Variants in SLC22A3 observed in about 807,000 individuals in gnomAD.
SLC22A3 encodes EMT organic cation transporter 3.
A neutral mutation model predicts 59.1 loss-of-function variants in SLC22A3; 51 were observed. The ratio of observed to expected loss-of-function variants is 0.86; its 90% confidence interval spans 0.69 to 1.09. The LOEUF is 1.09. SLC22A3 is among the 50% of genes least tolerant of loss of function. The pLI is 0.00. For missense variants in SLC22A3, 711 were observed against 726.3 expected, an observed-to-expected ratio of 0.98 and a Z score of 0.24; for synonymous variants, 325 against 292.0, an observed-to-expected ratio of 1.11 and a Z score of -1.15.
intron 1 of SLC22A3, among the ~76,000 whole-genome samples, chr6:160,369,076 T>G (rs1004399351): frequency 1.5e-4 from 23 of 152,330 alleles, no homozygotes; most frequent in African/African-American, 5.3e-4. Context: ...TGTATTTCAT[T>G]GTCTCCAATG....
At chr6:160,387,395 A>G (rs895082406) in intron 1 of SLC22A3, among the ~76,000 whole-genome samples, 1 of 152,192 alleles carries the variant, frequency 6.6e-6, no homozygotes, top group Non-Finnish European at 1.5e-5. Context: ...TTCTGGCTTT[A>G]CAGTTATCAC....
chr6:160,349,129 C>A, intron 1 of SLC22A3: 1 of 933,804 alleles, frequency 1.1e-6, no homozygotes, highest in Non-Finnish European at 1.3e-6. Flanking sequence ...GTTGTAAACG[C>A]CTGGCGCACG....
At chr6:160,405,537 A>G (rs1205682908) in intron 2 of SLC22A3, among the ~76,000 whole-genome samples, 1 of 152,204 alleles carries the variant, frequency 6.6e-6, no homozygotes. Context: ...ACATACTTTT[A>G]CTAAATGATC....
At chr6:160,364,131 A>AATAC (rs1785121420) in intron 1 of SLC22A3, among the ~76,000 whole-genome samples, 1 of 152,196 alleles carries the variant, frequency 6.6e-6, no homozygotes, top group Non-Finnish European at 1.5e-5. Context: ...TACTACAGGG[A>AATAC]TGAGGAAACA....
rs973225442 is a variant in SLC22A3, at chr6:160,410,608, C to T, written c.858-121C>T. The T allele has an allele frequency of 1.2e-5, 9 of 736,302 alleles. No individual in the cohort carries two copies. In the African/African-American group the frequency reaches 1.6e-4, roughly 13 times the overall value. The allele number at this position is 736,302 out of a possible 1,614,324, so 45.6% of individuals were successfully genotyped here. A position where few individuals can be genotyped will look rare whatever the true frequency, so the allele number is the denominator to read the frequency against. On this transcript the variant is annotated intron_variant, in intron 4 of 10. Coordinates refer to ENST00000275300, the MANE Select transcript of SLC22A3 (RefSeq NM_021977.4). ...GTATTTCAGGGACCTATTATCAACT[C>T]TTATTGACTCCTAAATGTATATCTA...
At chr6:160,410,616 C>T (rs1787207471) in intron 4 of SLC22A3, 113 bp from the exon 5 acceptor site, 1 of 751,978 alleles carries the variant, frequency 1.3e-6, no homozygotes, top group African/African-American at 1.7e-5. Context: ...CTCTTATTGA[C>T]TCCTAAATGT....
chr6:160,352,029 G>A (rs1251161537), intron 1 of SLC22A3, among the ~76,000 whole-genome samples: 1 of 152,156 alleles, frequency 6.6e-6, no homozygotes, highest in African/African-American at 2.4e-5. Flanking sequence ...TACTATCATG[G>A]TCCTCCAATG....
At chr6:160,421,619 A>G (rs1216961464) in intron 5 of SLC22A3, among the ~76,000 whole-genome samples, 1 of 152,236 alleles carries the variant, frequency 6.6e-6, no homozygotes, top group East Asian at 1.9e-4. Context: ...AGTAAAAAGT[A>G]AAACACAAGG....
chr6:160,447,661 T>A, intron 9 of SLC22A3, 58 bp from the exon 10 acceptor site: 1 of 1,461,338 alleles, frequency 6.8e-7, no homozygotes, highest in South Asian at 1.1e-5. Flanking sequence ...GCAGGCCCCA[T>A]GGGAGAGGGC....
chr6:160,361,135 T>TTATAA (rs1785000543), intron 1 of SLC22A3, among the ~76,000 whole-genome samples: 1 of 152,196 alleles, frequency 6.6e-6, no homozygotes, highest in Non-Finnish European at 1.5e-5. Flanking sequence ...AAGGATGGCC[T>TTATAA]CATAACTCCA....
At chr6:160,429,744 T>C (rs1343838182) in intron 5 of SLC22A3, among the ~76,000 whole-genome samples, 1 of 151,956 alleles carries the variant, frequency 6.6e-6, no homozygotes, top group East Asian at 1.9e-4. Flanking sequence ...TGCACATTCA[T>C]GAAAAAGTAT....
At position 160,451,692 on chromosome 6, in the gene SLC22A3, C is replaced by A. The variant is rs1007023751; in HGVS notation, c.*636C>A. ...CCTCTGTAACAGCTGGGGTTCCAGG[C>A]ATGGTTTAGGCCCTGTTCCAGCAAT... On this transcript the variant is annotated 3_prime_UTR_variant, in exon 11 of 11. Transcript: ENST00000275300. 1.3e-5 allele frequency: 2 copies of A among 153,186 alleles called. No homozygotes were observed. The highest frequency in any genetic ancestry group is 2.4e-5 in the African/African-American group (1 of 41,470). The allele number at this position is 153,186 out of a possible 1,614,324, so 9.5% of individuals were successfully genotyped here. A position where few individuals can be genotyped will look rare whatever the true frequency, so the allele number is the denominator to read the frequency against.
rs316235 is a variant in SLC22A3 at position 160,402,074 on chromosome 6, A to G, written c.533+3992A>G. 5.2e-3 allele frequency among the ~76,000 whole-genome samples: 791 copies of G among 152,068 alleles called. 11 individuals carry two copies. The East Asian group carries it at 0.062, about 12-fold the overall frequency. ...AATGTAAGATGGTCTAAATGAGCCA[A>G]CTAAAAGACAGAGATTTTCACAGTG... On this transcript the variant is annotated intron_variant, in intron 2 of 10. Coordinates refer to ENST00000275300, the MANE Select transcript of SLC22A3 (RefSeq NM_021977.4).
intron 1 of SLC22A3, among the ~76,000 whole-genome samples, chr6:160,356,761 G>A (rs1784854690): frequency 6.6e-6 from 1 of 152,346 alleles, no homozygotes; most frequent in South Asian, 2.1e-4. Context: ...AAAAAGCAAA[G>A]TTTTAATGGT....
chr6:160,424,232 T>G (rs963158014), intron 5 of SLC22A3, among the ~76,000 whole-genome samples: 1 of 152,172 alleles, frequency 6.6e-6, no homozygotes, highest in Non-Finnish European at 1.5e-5. Flanking sequence ...CAACCAAGCC[T>G]TGTCTGTTGA....
chr6:160,435,762 A>C (rs1429206999), intron 5 of SLC22A3, among the ~76,000 whole-genome samples: 1 of 152,190 alleles, frequency 6.6e-6, no homozygotes, highest in African/African-American at 2.4e-5. Flanking sequence ...CTTAGTAGCC[A>C]GCATTTTTGT....
intron 5 of SLC22A3, among the ~76,000 whole-genome samples, chr6:160,413,894 T>C (rs1308201903): frequency 6.6e-6 from 1 of 152,248 alleles, no homozygotes; most frequent in Non-Finnish European, 1.5e-5. Flanking sequence ...TTATGGATTA[T>C]GAATTGTTGA....
intron 10 of SLC22A3, among the ~76,000 whole-genome samples, chr6:160,450,420 G>GA (rs1184890909): frequency 1.3e-5 from 2 of 152,106 alleles, no homozygotes; most frequent in African/African-American, 2.4e-5. Context: ...CTTGTTCCCT[G>GA]AAAATCGCTG....
At chr6:160,396,497 T>G (rs1786477495) in intron 1 of SLC22A3, among the ~76,000 whole-genome samples, 1 of 152,142 alleles carries the variant, frequency 6.6e-6, no homozygotes, top group African/African-American at 2.4e-5. Context: ...GAGTAACATT[T>G]CTGTAGCAAA....
Sources: allele counts gnomAD v4.1 joint callset (sites outside exome capture counted in the v4.1 genomes callset), GRCh38; gene constraint gnomAD v4.1.1; transcripts MANE v1.5; gene names NCBI Gene and HGNC (gene_info 2026-07-23, HGNC 2026-07-21).